Variants in CLTCL1 observed in about 807,000 individuals in gnomAD.
CLTCL1 encodes clathrin heavy chain like 1.
Under a neutral mutation model 190.0 loss-of-function variants are expected in CLTCL1, and 159 were observed. The observed-to-expected ratio is 0.84, with a 90% confidence interval of 0.74 to 0.95. The LOEUF (loss-of-function observed/expected upper bound fraction) is 0.95. Ranked by LOEUF, CLTCL1 falls within the 40% of genes least tolerant of loss-of-function variation. CLTCL1 has a pLI of 0.00. For synonymous variants in CLTCL1, 752 were observed against 769.6 expected, an observed-to-expected ratio of 0.98 and a Z score of 0.38; for missense variants, 1,878 against 2,033.4, an observed-to-expected ratio of 0.92 and a Z score of 1.47.
intron 4 of CLTCL1, among the ~76,000 whole-genome samples, chr22:19,241,557 T>C (rs576809231): frequency 6.6e-6 from 1 of 152,352 alleles, no homozygotes; most frequent in Admixed American, 6.5e-5. Context: ...CACATTCTAA[T>C]TGAGAACTCC....
chr22:19,285,136 G>A (rs1000670658), intron 1 of CLTCL1, among the ~76,000 whole-genome samples: 2 of 151,748 alleles, frequency 1.3e-5, no homozygotes, highest in Non-Finnish European at 2.9e-5. Context: ...TTAGCTGGAC[G>A]TGGTGGTGGG....
Position 19,219,879 on chromosome 22 carries a change from C to T in CLTCL1, c.2919+6G>A, listed in dbSNP as rs782534537. ...GTGTGCAGACATACCCATCTCTGTG[C>T]CTCACCTGGTCAATTAGCTGTCTCC... On this transcript the variant is annotated splice_donor_region_variant and intron_variant, in intron 18 of 32. Transcript: ENST00000427926. 57 of 1,614,048 alleles carry T rather than the reference C, an allele frequency of 3.5e-5. No individual in the cohort carries two copies. The highest frequency in any genetic ancestry group is 4.7e-5 in the Non-Finnish European group (55 of 1,179,896).
At chr22:19,192,622 T>G (rs944509797) in intron 26 of CLTCL1, among the ~76,000 whole-genome samples, 2 of 152,128 alleles carry the variant, frequency 1.3e-5, no homozygotes, top group Non-Finnish European at 2.9e-5. Context: ...TGGGGCCCGA[T>G]GGGGTCTTCT....
chr22:19,226,241 T>C lies in CLTCL1; in HGVS notation c.1925A>G (p.His642Arg), dbSNP rs1555955883. Residue 642 changes from histidine (H) to arginine (R), a missense_variant, in exon 12 of 33, where the codon CAC (histidine) becomes CGC (arginine). Transcript: ENST00000427926. ...DLYDIKRAVV[H>R]THLLNPEWLV... ...TACCTCGGGATTGAGGAGGTGAGTG[T>C]GGACCACAGCCCTCTTGATGTCATA... 1.2e-6 allele frequency: 2 copies of C among 1,613,906 alleles called. No homozygotes were observed. The highest frequency in any genetic ancestry group is 8.5e-7 in the Non-Finnish European group (1 of 1,179,846).
At position 19,187,685 on chromosome 22, in the gene CLTCL1, A is replaced by C; in HGVS notation, c.4478T>G (p.Ile1493Ser). ...CTTCTCCAGCTGCTGAGCCAGGCTG[A>C]TGTTGTCAAAGTTGTCATAGGCATC... The part of the protein sequence containing the change: ...SIDAYDNFDN[I>S]SLAQQLEKHQ... Residue 1493 changes from isoleucine (I) to serine (S), a missense_variant, in exon 29 of 33, where the codon ATC becomes AGC. Transcript: ENST00000427926. 3 of 1,613,844 alleles carry C rather than the reference A, an allele frequency of 1.9e-6. No individual in the cohort carries two copies. The highest frequency in any genetic ancestry group is 2.5e-6 in the Non-Finnish European group (3 of 1,179,888).
At chr22:19,283,447 AT>A (rs2087795098) in intron 1 of CLTCL1, among the ~76,000 whole-genome samples, 1 of 151,552 alleles carries the variant, frequency 6.6e-6, no homozygotes, top group African/African-American at 2.4e-5. Flanking sequence ...CACCTGGCTA[AT>A]TTTTGTATTT....
At chr22:19,224,184 C>T (rs1555954419) in intron 13 of CLTCL1, 130 bp from the exon 14 acceptor site, 2 of 861,202 alleles carry the variant, frequency 2.3e-6, no homozygotes, top group Non-Finnish European at 3.6e-6. Flanking sequence ...AACTCATAAT[C>T]AATATGCCAT....
At chr22:19,221,751 G>T in intron 16 of CLTCL1, 140 bp from the exon 17 acceptor site, 1 of 977,712 alleles carries the variant, frequency 1.0e-6, no homozygotes, top group Non-Finnish European at 1.5e-6. Context: ...GGACCAAGAT[G>T]GACCTGGTTT....
chr22:19,194,093 C>T (rs781854442), intron 26 of CLTCL1, among the ~76,000 whole-genome samples: 2 of 152,180 alleles, frequency 1.3e-5, no homozygotes, highest in Non-Finnish European at 2.9e-5. Flanking sequence ...GCCCATTTTA[C>T]AGAGTGCTGA....
At chr22:19,282,870 CCT>C (rs2087769646) in intron 1 of CLTCL1, among the ~76,000 whole-genome samples, 5 of 149,760 alleles carry the variant, frequency 3.3e-5, no homozygotes, top group African/African-American at 1.2e-4. Context: ...TTCTTTCTTT[CCT>C]TTTTTTTTTT....
chr22:19,200,504 C>T (rs2084848283), intron 23 of CLTCL1, among the ~76,000 whole-genome samples: 1 of 152,208 alleles, frequency 6.6e-6, no homozygotes. Context: ...GCAACTCTGC[C>T]TATTCATCTT....
chr22:19,287,617 A>G (rs1555990902), intron 1 of CLTCL1, among the ~76,000 whole-genome samples: 1 of 152,192 alleles, frequency 6.6e-6, no homozygotes, highest in African/African-American at 2.4e-5. Context: ...GGGCAAGACT[A>G]GAAGTAGAAG....
intron 2 of CLTCL1, among the ~76,000 whole-genome samples, chr22:19,271,632 T>C (rs2087324268): frequency 6.6e-6 from 1 of 152,146 alleles, no homozygotes; most frequent in African/African-American, 2.4e-5. Context: ...CTTCATAAAT[T>C]ATCCTGTCTC....
chr22:19,269,413 G>A (rs998530488), intron 2 of CLTCL1, among the ~76,000 whole-genome samples: 1 of 151,998 alleles, frequency 6.6e-6, no homozygotes, highest in African/African-American at 2.4e-5. Flanking sequence ...GAAAAAAAAA[G>A]CTAAACAAAT....
At chr22:19,222,172 TG>T in intron 15 of CLTCL1, 79 bp from the exon 16 acceptor site, 9 of 1,480,648 alleles carry the variant, frequency 6.1e-6, no homozygotes, top group Non-Finnish European at 8.4e-6. Flanking sequence ...GTGGACAGTT[TG>T]GGCAAAACCC....
At chr22:19,285,482 TTTTC>T (rs781859024) in intron 1 of CLTCL1, among the ~76,000 whole-genome samples, 3 of 152,082 alleles carry the variant, frequency 2.0e-5, no homozygotes, top group Non-Finnish European at 4.4e-5. Context: ...CTATTACAGG[TTTTC>T]TTTATTTTAA....
chr22:19,216,925 C>G (rs1476185689), intron 18 of CLTCL1, among the ~76,000 whole-genome samples: 1 of 152,146 alleles, frequency 6.6e-6, no homozygotes, highest in East Asian at 1.9e-4. Flanking sequence ...ATATTTTTGC[C>G]AAGTTTCTGG....
chr22:19,264,095 G>A (rs573333569), intron 2 of CLTCL1, among the ~76,000 whole-genome samples: 1 of 152,178 alleles, frequency 6.6e-6, no homozygotes, highest in East Asian at 1.9e-4. Flanking sequence ...AAGAGTTTAA[G>A]ACAGCCTGGG....
At chr22:19,244,662 A>G (rs2086361619) in intron 3 of CLTCL1, among the ~76,000 whole-genome samples, 1 of 152,198 alleles carries the variant, frequency 6.6e-6, no homozygotes, top group South Asian at 2.1e-4. Flanking sequence ...AGAAGACAGA[A>G]CAGCCAAGGT....
Sources: allele counts gnomAD v4.1 joint callset (sites outside exome capture counted in the v4.1 genomes callset), GRCh38; gene constraint gnomAD v4.1.1; transcripts MANE v1.5; gene names NCBI Gene and HGNC (gene_info 2026-07-23, HGNC 2026-07-21).